The following ACYP2 variants were observed in gnomAD, a reference collection of about 807,000 sequenced individuals.
ACYP2 encodes the protein acylphosphatase 2, also known as acylphosphatase-2.
In ACYP2, 12 loss-of-function variants were observed where a neutral mutation model predicts 11.2. The observed-to-expected ratio is 1.08, with a 90% CI of 0.69 to 1.74. The LOEUF is 1.74. Ranked by LOEUF, ACYP2 falls within the 40% of genes most tolerant of loss-of-function variation. ACYP2 has a pLI of 0.00. For synonymous variants in ACYP2, 43 were observed against 32.2 expected (o/e 1.33, Z -1.13); for missense variants, 134 against 101.9 (o/e 1.31, Z -1.35).
At chr2:54,069,656 C>T (rs778706182) in intron 4 of ACYP2, among the ~76,000 whole-genome samples, 39 of 151,442 alleles carry the variant, frequency 2.6e-4, no homozygotes, top group Admixed American at 2.2e-3. Context: ...AGCAAGACTC[C>T]GTCTCAAAAA....
chr2:54,219,585 T>A (rs1685695633), intron 6 of ACYP2, among the ~76,000 whole-genome samples: 1 of 152,148 alleles, frequency 6.6e-6, no homozygotes, highest in African/African-American at 2.4e-5. Flanking sequence ...TCACTAATGT[T>A]ATATCTCCTA....
intron 2 of ACYP2, among the ~76,000 whole-genome samples, chr2:53,983,953 A>C (rs911820703): frequency 6.6e-6 from 1 of 152,204 alleles, no homozygotes; most frequent in Non-Finnish European, 1.5e-5. Flanking sequence ...CCAGATTACA[A>C]GCAGTCATGG....
At chr2:54,286,811 T>C (rs1344460309) in intron 6 of ACYP2, among the ~76,000 whole-genome samples, 1 of 152,038 alleles carries the variant, frequency 6.6e-6, no homozygotes, top group Non-Finnish European at 1.5e-5. Flanking sequence ...TAAAACAAAA[T>C]ACAGCCTTCT....
intron 2 of ACYP2, among the ~76,000 whole-genome samples, chr2:53,981,159 G>A (rs1023959338): frequency 1.3e-5 from 2 of 152,068 alleles, no homozygotes; most frequent in Non-Finnish European, 2.9e-5. Flanking sequence ...TATTCAGTAC[G>A]GACATGCTGT....
intron 6 of ACYP2, among the ~76,000 whole-genome samples, chr2:54,266,620 T>A (rs1161464567): frequency 9.5e-6 from 1 of 105,530 alleles, no homozygotes; most frequent in Non-Finnish European, 1.9e-5. Context: ...TTTTTTTTTT[T>A]TTTGAGACGG....
At chr2:54,036,559 T>C (rs1298902854) in intron 2 of ACYP2, among the ~76,000 whole-genome samples, 2 of 152,228 alleles carry the variant, frequency 1.3e-5, no homozygotes, top group Admixed American at 6.5e-5. Context: ...ACTTCTCATG[T>C]AGGCTGTCTG....
At chr2:54,124,098 T>C (rs1013011984) in intron 4 of ACYP2, among the ~76,000 whole-genome samples, 1 of 152,118 alleles carries the variant, frequency 6.6e-6, no homozygotes, top group Non-Finnish European at 1.5e-5. Context: ...AAAGGACACA[T>C]TACAAAAAGA....
At chr2:54,129,214 T>C (rs6751105) in intron 4 of ACYP2, among the ~76,000 whole-genome samples, 75,526 of 152,062 alleles carry the variant, frequency 0.5, 19,028 homozygotes, top group African/African-American at 0.56. Flanking sequence ...CTAGATTTTA[T>C]CATTCAGAAT....
In ACYP2 at chr2:54,112,925, T is replaced by A. The variant is rs539767411; in HGVS notation, c.278-22528T>A. On this transcript the variant is annotated intron_variant, in intron 4 of 6. Coordinates refer to ENST00000607452, the MANE Select transcript of ACYP2 (RefSeq NM_001320586.2). ...CCTACCTAATAATTGGCAGGGGTAC[T>A]CTTGGGTAAATGTGGAGAAAAGTCA... Among the ~76,000 whole-genome samples the A allele has an allele frequency of 2.0e-5, 3 of 152,316 alleles. No individual in the cohort carries two copies. In the South Asian group the frequency reaches 6.2e-4, roughly 32 times the overall value.
chr2:54,245,942 C>G (rs773092198), intron 6 of ACYP2, among the ~76,000 whole-genome samples: 11 of 152,068 alleles, frequency 7.2e-5, no homozygotes, highest in East Asian at 3.8e-4. Context: ...GACCAATGTC[C>G]TGGAACTTTT....
intron 2 of ACYP2, among the ~76,000 whole-genome samples, chr2:53,989,124 A>G (rs886605334): frequency 6.6e-6 from 1 of 152,050 alleles, no homozygotes; most frequent in African/African-American, 2.4e-5. Flanking sequence ...AAACCCAGTC[A>G]TTTCTTCTCA....
At chr2:54,192,505 A>G (rs1361124033) in intron 6 of ACYP2, among the ~76,000 whole-genome samples, 1 of 152,218 alleles carries the variant, frequency 6.6e-6, no homozygotes, top group African/African-American at 2.4e-5. Context: ...TGAAGATAAC[A>G]TATCCAGTTT....
chr2:54,077,211 C>T (rs1677389496), intron 4 of ACYP2, among the ~76,000 whole-genome samples: 1 of 152,156 alleles, frequency 6.6e-6, no homozygotes, highest in Non-Finnish European at 1.5e-5. Context: ...TGGAAGAAGT[C>T]CTAGACTCAT....
At chr2:54,120,030 C>T (rs1280560846) in intron 4 of ACYP2, among the ~76,000 whole-genome samples, 2 of 152,236 alleles carry the variant, frequency 1.3e-5, no homozygotes, top group Non-Finnish European at 2.9e-5. Flanking sequence ...AGGAAGACCA[C>T]AGAGGTGAAG....
intron 6 of ACYP2, among the ~76,000 whole-genome samples, chr2:54,287,680 G>A (rs986236085): frequency 1.3e-5 from 2 of 151,974 alleles, no homozygotes; most frequent in Admixed American, 6.5e-5. Context: ...AGAGGGAGAC[G>A]ACTGAGGAGC....
At chr2:54,195,196 A>G (rs1684408923) in intron 6 of ACYP2, among the ~76,000 whole-genome samples, 1 of 152,188 alleles carries the variant, frequency 6.6e-6, no homozygotes, top group Admixed American at 6.5e-5. Context: ...ACTGCTATAA[A>G]AGGGCCGATT....
intron 6 of ACYP2, among the ~76,000 whole-genome samples, chr2:54,201,967 C>A (rs867205390): frequency 2.6e-5 from 4 of 152,100 alleles, no homozygotes; most frequent in African/African-American, 9.7e-5. Flanking sequence ...CTCGACCTCC[C>A]AAAGTGCTGG....
intron 6 of ACYP2, among the ~76,000 whole-genome samples, chr2:54,302,633 A>T (rs533035510): frequency 6.6e-6 from 1 of 152,192 alleles, no homozygotes; most frequent in Non-Finnish European, 1.5e-5. Context: ...CATAGGTCCA[A>T]CTGCCTACTC....
At chr2:53,999,902 G>T (rs1224993821) in intron 2 of ACYP2, among the ~76,000 whole-genome samples, 1 of 152,122 alleles carries the variant, frequency 6.6e-6, no homozygotes, top group Non-Finnish European at 1.5e-5. Flanking sequence ...GTTAGTGTCT[G>T]AAGTCAAATC....
Sources: allele counts gnomAD v4.1 joint callset (sites outside exome capture counted in the v4.1 genomes callset), GRCh38; gene constraint gnomAD v4.1.1; transcripts MANE v1.5; gene names NCBI Gene and HGNC (gene_info 2026-07-23, HGNC 2026-07-21).